DYSF: variants seen among roughly 807,000 people sequenced by gnomAD.
The protein encoded by DYSF is dystrophy-associated fer-1-like 1.
DYSF carries 212 observed loss-of-function variants against 274.9 expected under a neutral mutation model. The observed-to-expected ratio is 0.77, with a 90% CI of 0.69 to 0.86. DYSF has a LOEUF of 0.86. DYSF is among the 40% of genes least tolerant of loss of function. The pLI is 0.00. For synonymous variants in DYSF, 1,091 were observed against 1,078.7 expected (o/e 1.01, Z -0.22); for missense variants, 2,666 against 2,783.2 (o/e 0.96, Z 0.95).
intron 7 of DYSF, 83 bp from the exon 8 acceptor site, chr2:71,515,540 A>T: frequency 6.3e-7 from 1 of 1,595,924 alleles, no homozygotes; most frequent in Non-Finnish European, 8.6e-7. Context: ...ATGGTCCCTG[A>T]GATTTCTGAC....
intron 42 of DYSF, among the ~76,000 whole-genome samples, chr2:71,649,426 G>A (rs1267620906): frequency 6.6e-6 from 1 of 152,014 alleles, no homozygotes; most frequent in Non-Finnish European, 1.5e-5. Flanking sequence ...ACAGTACAAA[G>A]GTAAATGTTA....
chr2:71,643,409 C>G (rs2094517677), intron 41 of DYSF, among the ~76,000 whole-genome samples: 1 of 152,210 alleles, frequency 6.6e-6, no homozygotes, highest in South Asian at 2.1e-4. Flanking sequence ...AGTTGATTTT[C>G]AGGGACTCTG....
At chr2:71,646,730 C>T (rs941327899) in intron 42 of DYSF, among the ~76,000 whole-genome samples, 2 of 152,156 alleles carry the variant, frequency 1.3e-5, no homozygotes, top group Non-Finnish European at 2.9e-5. Context: ...AACAAAACAT[C>T]TTAATGTTCC....
At chr2:71,586,193 A>G (rs997708094) in intron 30 of DYSF, among the ~76,000 whole-genome samples, 44 of 151,858 alleles carry the variant, frequency 2.9e-4, no homozygotes, top group African/African-American at 9.4e-4. Flanking sequence ...GGATATAAGG[A>G]TGTTGGCCAG....
intron 42 of DYSF, among the ~76,000 whole-genome samples, chr2:71,646,775 G>T (rs1056263590): frequency 6.6e-6 from 1 of 152,128 alleles, no homozygotes; most frequent in Non-Finnish European, 1.5e-5. Context: ...TCCCCATTAA[G>T]TGACAAGGAC....
At chr2:71,495,737 C>A (rs1419950997) in intron 3 of DYSF, among the ~76,000 whole-genome samples, 1 of 152,146 alleles carries the variant, frequency 6.6e-6, no homozygotes. Context: ...CTGGTTCCTG[C>A]ACACCCACAT....
At chr2:71,593,391 G>A (rs569020661) in intron 32 of DYSF, among the ~76,000 whole-genome samples, 6 of 152,194 alleles carry the variant, frequency 3.9e-5, no homozygotes, top group Admixed American at 2.6e-4. Flanking sequence ...TTGGCCTCCC[G>A]GAGTGCTGGG....
intron 3 of DYSF, among the ~76,000 whole-genome samples, chr2:71,494,537 G>A (rs1038932446): frequency 6.6e-6 from 1 of 152,176 alleles, no homozygotes; most frequent in Non-Finnish European, 1.5e-5. Flanking sequence ...ACCATGATGG[G>A]TATGAGCTGA....
At chr2:71,610,885 A>T in intron 36 of DYSF, 1 of 346,364 alleles carries the variant, frequency 2.9e-6, no homozygotes, top group Non-Finnish European at 5.6e-6. Context: ...ATCTGCCAGG[A>T]TGGAATAGGC....
At chr2:71,573,082 ATT>A (rs2092579851) in intron 29 of DYSF, among the ~76,000 whole-genome samples, 1 of 152,152 alleles carries the variant, frequency 6.6e-6, no homozygotes, top group South Asian at 2.1e-4. Flanking sequence ...CTAAACACAC[ATT>A]TGAATTTTGG....
At chr2:71,490,660 T>A (rs1436202770) in intron 3 of DYSF, among the ~76,000 whole-genome samples, 1 of 152,260 alleles carries the variant, frequency 6.6e-6, no homozygotes, top group Admixed American at 6.5e-5. Flanking sequence ...TCCTAAGTTA[T>A]CTACAGGCAT....
intron 26 of DYSF, among the ~76,000 whole-genome samples, chr2:71,568,816 C>T (rs1198278091): frequency 6.6e-6 from 1 of 152,124 alleles, no homozygotes; most frequent in African/African-American, 2.4e-5. Context: ...CCTCCTTGAA[C>T]TCCCAAAGTG....
chr2:71,611,740 C>T lies in DYSF; in HGVS notation c.4221+114C>T, dbSNP rs2093767481. 4 of 1,320,272 alleles carry T rather than the reference C, an allele frequency of 3.0e-6. No homozygotes were observed. In the South Asian group the frequency reaches 3.8e-5, roughly 13 times the overall value. The allele number at this position is 1,320,272 out of a possible 1,614,324, so 81.8% of individuals were successfully genotyped here. ...TTCCCTGCGGGATCCAGGGTAGGAC[C>T]CCTCACTTTCCTGTGAACATGGGGA... On this transcript the variant is annotated intron_variant, in intron 38 of 55. Transcript: ENST00000410020.
chr2:71,472,412 CTTT>C (rs1318175887), intron 1 of DYSF, among the ~76,000 whole-genome samples: 1 of 151,976 alleles, frequency 6.6e-6, no homozygotes, highest in Non-Finnish European at 1.5e-5. Flanking sequence ...CACTTTCTTT[CTTT>C]TTTTTCTTTT....
Position 71,535,158 on chromosome 2 carries a change from C to G in DYSF, c.1449+69C>G, listed in dbSNP as rs575207271. ...TCTGGGCTTCGGGAGGTCCAGGGCTCCTGCCTCCCCAGCATCCTGCCAGTA... is the reference window on the plus strand; with the variant it reads ...TCTGGGCTTCGGGAGGTCCAGGGCTGCTGCCTCCCCAGCATCCTGCCAGTA... On this transcript the variant is annotated intron_variant, in intron 15 of 55. Transcript: ENST00000410020. 4.6e-4 allele frequency: 736 copies of G among 1,604,528 alleles called. 10 individuals carry two copies. In the East Asian group the frequency reaches 0.014, roughly 30 times the overall value.
Position 71,658,959 on chromosome 2 carries a change from G to A in DYSF, c.4837G>A (p.Gly1613Arg). The A allele has an allele frequency of 6.2e-7, 1 of 1,614,148 alleles. No homozygotes were observed. The highest frequency in any genetic ancestry group is 8.5e-7 in the Non-Finnish European group (1 of 1,180,020). ...PRQFHQLAAQ[G>R]PQECLVRIYI... ...ACAGTTCCACCAGCTGGCCGCCCAG[G>A]GACCCCAGGAGTGCTTGGTCCGTAT... The change falls in exon 44 of 56, where the codon GGA becomes AGA. Residue 1613 changes from glycine to arginine, a missense_variant. This residue lies in a region of DYSF where 1,460 missense variants were observed against 1,502.1 expected (regional missense o/e 0.97). Transcript: ENST00000410020.
At chr2:71,617,719 T>TGTGC (rs1184919218) in intron 40 of DYSF, among the ~76,000 whole-genome samples, 11 of 144,166 alleles carry the variant, frequency 7.6e-5, no homozygotes, top group African/African-American at 2.6e-4. Context: ...AGGTGGGGTG[T>TGTGC]GTGTGTGGTA....
chr2:71,574,879 G>A (rs1006091843), intron 30 of DYSF, among the ~76,000 whole-genome samples: 18 of 152,174 alleles, frequency 1.2e-4, no homozygotes, highest in African/African-American at 4.3e-4. Context: ...TGTAGCCAGT[G>A]GAACTGGGGT....
chr2:71,617,991 GGTATA>G (rs2093947342), intron 40 of DYSF, among the ~76,000 whole-genome samples: 17 of 83,920 alleles, frequency 2.0e-4, no homozygotes, highest in Admixed American at 3.8e-4. Context: ...GTAGAGGTGA[GGTATA>G]TGTGTGTGTG....
Sources: gnomAD v4.1 joint callset for allele counts (sites outside exome capture counted in the v4.1 genomes callset) on GRCh38, gnomAD v4.1.1 for gene constraint, gnomAD v4.1.1 regional missense constraint, MANE v1.5 for transcripts, NCBI Gene and HGNC (gene_info 2026-07-23, HGNC 2026-07-21) for gene names.